Variants in CSNK1G2 observed in about 807,000 individuals in gnomAD.
The protein encoded by CSNK1G2 is casein kinase I isoform gamma-2.
A neutral mutation model predicts 48.0 loss-of-function variants in CSNK1G2; 11 were observed. The ratio of observed to expected loss-of-function variants is 0.23; its 90% CI spans 0.14 to 0.38. CSNK1G2 has a LOEUF of 0.38. Ranked by LOEUF, CSNK1G2 falls within the 10% of genes least tolerant of loss-of-function variation. The pLI, the probability that CSNK1G2 is intolerant of heterozygous loss-of-function variation, is 1.00. For synonymous variants in CSNK1G2, 337 were observed against 254.1 expected (o/e 1.33, Z -3.10); for missense variants, 446 against 595.5 (o/e 0.75, Z 2.61).
In CSNK1G2 at chr19:1,957,529, CCACTT is replaced by C. The variant is rs2015040129; in HGVS notation, c.-265-11976_-265-11972del. Among the ~76,000 whole-genome samples the C allele has an allele frequency of 6.6e-6, 1 of 152,190 alleles. No homozygotes were observed. Among genetic ancestry groups the C allele is most frequent in the Admixed American group, 6.5e-5 (1 of 15,286 alleles). On this transcript the variant is annotated intron_variant, in intron 1 of 11. Coordinates refer to ENST00000255641, the MANE Select transcript of CSNK1G2 (RefSeq NM_001319.7). This position sits in a 1 kb window ranked among gnomAD's most constrained non-coding sequence, Gnocchi z 5.4. ...ACAGTGAGCGCAGGCACCTCTCTCT[CCACTT>C]CATGTTTGTCCTCACTGAGGGAGCC...
chr19:1,980,328 G>C lies in CSNK1G2; in HGVS notation c.*125G>C. ...GACCCTGGCTGGAAGCCAGAACGCA[G>C]ACTGCAGGGGCCGCGCCTGGCTCAG... On this transcript the variant is annotated 3_prime_UTR_variant, in exon 12 of 12. Coordinates refer to ENST00000255641, the MANE Select transcript of CSNK1G2 (RefSeq NM_001319.7). The C allele has an allele frequency of 8.3e-7, 1 of 1,211,946 alleles. No individual in the cohort carries two copies. Among genetic ancestry groups the C allele is most frequent in the South Asian group, 1.3e-5 (1 of 78,654 alleles). 75.1% of individuals were successfully genotyped at this position (1,211,946 alleles called of 1,614,324 possible).
intron 1 of CSNK1G2, among the ~76,000 whole-genome samples, chr19:1,962,944 AGGAGGCGTAGTGT>A: frequency 6.6e-6 from 1 of 152,200 alleles, no homozygotes; most frequent in East Asian, 1.9e-4. Context: ...TCAGCAGAGG[AGGAGGCGTAGTGT>A]GGCCCTCCAT....
chr19:1,961,677 C>T (rs1033784969), intron 1 of CSNK1G2, among the ~76,000 whole-genome samples: 27 of 152,236 alleles, frequency 1.8e-4, no homozygotes, highest in African/African-American at 6.3e-4. Flanking sequence ...TGGGGGACTA[C>T]GTCTCACAGA....
intron 1 of CSNK1G2, chr19:1,954,178 G>A (rs568812707): frequency 7.5e-6 from 3 of 401,190 alleles, no homozygotes; most frequent in Admixed American, 3.0e-5. Flanking sequence ...TGTCCTGGCC[G>A]CGGCAGCTCC....
chr19:1,969,302 C>T (rs1319309377), intron 1 of CSNK1G2, among the ~76,000 whole-genome samples: 1 of 149,354 alleles, frequency 6.7e-6, no homozygotes, highest in Non-Finnish European at 1.5e-5. Flanking sequence ...CAGGCAGCCA[C>T]GCCGAGATCT....
intron 1 of CSNK1G2, among the ~76,000 whole-genome samples, chr19:1,949,561 G>A (rs2014689136): frequency 6.6e-6 from 1 of 152,238 alleles, no homozygotes; most frequent in Non-Finnish European, 1.5e-5. Flanking sequence ...CATGGCATCC[G>A]CGTGTGGCTG....
intron 1 of CSNK1G2, among the ~76,000 whole-genome samples, chr19:1,954,947 GC>G (rs1208239805): frequency 6.6e-6 from 1 of 152,124 alleles, no homozygotes; most frequent in Non-Finnish European, 1.5e-5. Flanking sequence ...TTTCGCTGTG[GC>G]CCTCAGGCAA....
chr19:1,943,198 C>T (rs927262324), intron 1 of CSNK1G2, among the ~76,000 whole-genome samples: 1 of 152,152 alleles, frequency 6.6e-6, no homozygotes, highest in Non-Finnish European at 1.5e-5. Context: ...CGGTGGGAGG[C>T]GAAACCCCAA....
At chr19:1,963,680 G>T (rs2015274311) in intron 1 of CSNK1G2, among the ~76,000 whole-genome samples, 1 of 151,716 alleles carries the variant, frequency 6.6e-6, no homozygotes, top group African/African-American at 2.4e-5. Flanking sequence ...GCTAATTTTT[G>T]TATTTTTAGT....
rs758129883 is a variant in CSNK1G2 at position 1,976,151 on chromosome 19, T to C, written c.188-2154T>C. Reference sequence around the variant, plus strand: ...GGGCCTCGGCAATGAGTGTTGGGTGTTTGGGGCACGGCTCCTGTTGTTTTA... The same window carrying C: ...GGGCCTCGGCAATGAGTGTTGGGTGCTTGGGGCACGGCTCCTGTTGTTTTA... On this transcript the variant is annotated intron_variant, in intron 2 of 11. Coordinates refer to ENST00000255641, the MANE Select transcript of CSNK1G2 (RefSeq NM_001319.7). 69 of 1,245,224 alleles carry C rather than the reference T, an allele frequency of 5.5e-5. No individual in the cohort carries two copies. In the South Asian group the frequency reaches 7.8e-4, roughly 14 times the overall value. 77.1% of individuals were successfully genotyped at this position (1,245,224 alleles called of 1,614,324 possible).
intron 1 of CSNK1G2, among the ~76,000 whole-genome samples, chr19:1,964,101 G>A (rs145219138): frequency 0.016 from 2,456 of 152,244 alleles, 56 homozygotes; most frequent in African/African-American, 0.056. Flanking sequence ...TGGGATTACA[G>A]GCATGAGCCA....
At chr19:1,948,479 C>T (rs896336162) in intron 1 of CSNK1G2, among the ~76,000 whole-genome samples, 4 of 135,264 alleles carry the variant, frequency 3.0e-5, no homozygotes, top group Admixed American at 8.6e-5. Flanking sequence ...GCTGAGACCG[C>T]GCCATTGCAC....
chr19:1,946,295 TTATTTA>T (rs2014558959), intron 1 of CSNK1G2, among the ~76,000 whole-genome samples: 1 of 150,232 alleles, frequency 6.7e-6, no homozygotes, highest in African/African-American at 2.4e-5. Flanking sequence ...TATTTTTTAT[TTATTTA>T]TTTTTTTTAA....
At chr19:1,946,289 T>TATTTATTTATTTATTATTTA (rs56098852) in intron 1 of CSNK1G2, among the ~76,000 whole-genome samples, 141 of 143,858 alleles carry the variant, frequency 9.8e-4, no homozygotes, top group Non-Finnish European at 1.3e-3. Context: ...TTTATTTATT[T>TATTTATTTATTTATTATTTA]TTTATTTATT....
intron 1 of CSNK1G2, among the ~76,000 whole-genome samples, chr19:1,944,769 A>G (rs1026219855): frequency 2.6e-5 from 4 of 151,956 alleles, no homozygotes; most frequent in Non-Finnish European, 4.4e-5. Flanking sequence ...AGAACGGTGT[A>G]TTCAATGCAC....
chr19:1,952,813 A>T (rs117450701), intron 1 of CSNK1G2: 1 of 327,460 alleles, frequency 3.1e-6, no homozygotes, highest in East Asian at 1.3e-4. Flanking sequence ...CCTCTCGCCT[A>T]GGGCTCCCCG....
chr19:1,980,362 AC>A lies in CSNK1G2; in HGVS notation c.*164del. The stretch of plus-strand genomic sequence containing the variant: ...GGCCGCGCCTGGCTCAGGCGGCCCC[AC>A]CCCCGGGACGTGGGGTCACTTCCTT... On this transcript the variant is annotated 3_prime_UTR_variant, in exon 12 of 12. Transcript: ENST00000255641. 5 of 840,618 alleles carry A rather than the reference AC, an allele frequency of 5.9e-6. No homozygotes were observed. Among genetic ancestry groups the A allele is most frequent in the Admixed American group, 2.4e-5 (1 of 41,436 alleles). 52.1% of individuals were successfully genotyped at this position (840,618 alleles called of 1,614,324 possible).
At chr19:1,971,823 G>A (rs2015582418) in intron 2 of CSNK1G2, among the ~76,000 whole-genome samples, 1 of 146,198 alleles carries the variant, frequency 6.8e-6, no homozygotes, top group Admixed American at 7.1e-5. Flanking sequence ...AGGCTGGAGT[G>A]CAGTGGCGCA....
intron 1 of CSNK1G2, among the ~76,000 whole-genome samples, chr19:1,947,798 C>G (rs1324360434): frequency 6.6e-6 from 1 of 152,194 alleles, no homozygotes; most frequent in East Asian, 1.9e-4. Context: ...GCTGGTCAGG[C>G]CTGTACGCCG....
Sources: allele counts gnomAD v4.1 joint callset (sites outside exome capture counted in the v4.1 genomes callset), GRCh38; gene constraint gnomAD v4.1.1; non-coding constraint Gnocchi (gnomAD v3.1); transcripts MANE v1.5; gene names NCBI Gene and HGNC (gene_info 2026-07-23, HGNC 2026-07-21).